The following SVOPL variants were observed in gnomAD, a reference collection of about 807,000 sequenced individuals.
SVOPL encodes the protein SVOP like, also known as putative transporter SVOPL.
SVOPL carries 60 observed loss-of-function variants against 61.0 expected under a neutral mutation model. The observed-to-expected ratio is 0.98, with a 90% CI of 0.80 to 1.22. The LOEUF (loss-of-function observed/expected upper bound fraction) is 1.22. Ranked by LOEUF, SVOPL falls within the 50% of genes most tolerant of loss-of-function variation. The pLI is 0.00. For missense variants in SVOPL, 662 were observed against 643.9 expected, an observed-to-expected ratio of 1.03 and a Z score of -0.30; for synonymous variants, 279 against 250.0, an observed-to-expected ratio of 1.12 and a Z score of -1.09.
intron 6 of SVOPL, among the ~76,000 whole-genome samples, chr7:138,659,036 G>A (rs1480036919): frequency 1.3e-5 from 2 of 151,980 alleles, no homozygotes; most frequent in African/African-American, 4.8e-5. Context: ...TAGCATCAAC[G>A]CAGACCTTAA....
chr7:138,635,166 G>A (rs1327253069), intron 9 of SVOPL, among the ~76,000 whole-genome samples: 2 of 151,916 alleles, frequency 1.3e-5, no homozygotes, highest in South Asian at 2.1e-4. Context: ...CAGCTACTTG[G>A]GAGGCTGAGG....
At position 138,662,293 on chromosome 7, in the gene SVOPL, C is replaced by T. The variant is rs73730416; in HGVS notation, c.345+781G>A. The T allele has an allele frequency of 2.3e-3, 2,284 of 985,438 alleles. 47 individuals are homozygous for T. In the African/African-American group the frequency reaches 0.036, roughly 16 times the overall value. The allele number at this position is 985,438 out of a possible 1,614,324, so 61.0% of individuals were successfully genotyped here. Reference sequence around the variant, plus strand: ...ATTCCATCACAGGCTTTAAAACTTGCATCTGTTTCCTACTGATTGTAATTT... The same window carrying T: ...ATTCCATCACAGGCTTTAAAACTTGTATCTGTTTCCTACTGATTGTAATTT... On this transcript the variant is annotated intron_variant, in intron 5 of 15. Transcript: ENST00000674285.
intron 14 of SVOPL, among the ~76,000 whole-genome samples, chr7:138,615,121 G>A (rs1799232048): frequency 6.6e-6 from 1 of 152,152 alleles, no homozygotes; most frequent in African/African-American, 2.4e-5. Flanking sequence ...AATGCCTGGT[G>A]TTATGGACTG....
intron 3 of SVOPL, among the ~76,000 whole-genome samples, chr7:138,676,240 T>G (rs1215379871): frequency 1.3e-5 from 2 of 152,242 alleles, no homozygotes; most frequent in African/African-American, 2.4e-5. Context: ...TGGGTGAAGC[T>G]GTCATTCTTC....
intron 4 of SVOPL, among the ~76,000 whole-genome samples, chr7:138,670,711 A>G (rs558316795): frequency 6.6e-6 from 1 of 152,336 alleles, no homozygotes; most frequent in South Asian, 2.1e-4. Context: ...TCTATTAAAC[A>G]TGTTCTCTAT....
intron 7 of SVOPL, among the ~76,000 whole-genome samples, chr7:138,650,388 A>C (rs1219732432): frequency 6.6e-6 from 1 of 152,044 alleles, no homozygotes; most frequent in African/African-American, 2.4e-5. Context: ...AAACAGAAAT[A>C]AGAGGCTTAA....
At chr7:138,627,672 G>A (rs3816558) in intron 11 of SVOPL, among the ~76,000 whole-genome samples, 6,219 of 152,200 alleles carry the variant, frequency 0.041, 183 homozygotes, top group East Asian at 0.09. Context: ...GATAAGCACT[G>A]GTGCCCAGAA....
intron 14 of SVOPL, among the ~76,000 whole-genome samples, chr7:138,602,570 T>G (rs2116762308): frequency 1.3e-5 from 2 of 152,024 alleles, no homozygotes; most frequent in African/African-American, 4.8e-5. Context: ...CCATCCGACA[T>G]TTGCTGATGG....
At chr7:138,669,640 C>G (rs1031198250) in intron 4 of SVOPL, among the ~76,000 whole-genome samples, 1 of 152,136 alleles carries the variant, frequency 6.6e-6, no homozygotes, top group African/African-American at 2.4e-5. Context: ...TCCTGTAATG[C>G]GTGCCTCACT....
intron 14 of SVOPL, among the ~76,000 whole-genome samples, chr7:138,611,894 G>A (rs1178725875): frequency 3.9e-4 from 26 of 66,248 alleles, no homozygotes; most frequent in Middle Eastern, 4.8e-3. Flanking sequence ...TCTGGGAGGT[G>A]TGCCCAACAG....
At chr7:138,656,330 G>GA (rs1801727297) in intron 7 of SVOPL, 118 bp downstream of exon 7, 5 of 995,548 alleles carry the variant, frequency 5.0e-6, no homozygotes, top group Non-Finnish European at 7.7e-6. Context: ...ACTTTATTCT[G>GA]ATACTCGCTT....
At chr7:138,622,525 T>G (rs935126040) in intron 13 of SVOPL, among the ~76,000 whole-genome samples, 1 of 152,162 alleles carries the variant, frequency 6.6e-6, no homozygotes, top group Non-Finnish European at 1.5e-5. Context: ...CGGGTTGGTC[T>G]CGAACTCCTG....
intron 14 of SVOPL, among the ~76,000 whole-genome samples, chr7:138,604,342 C>A (rs1798658702): frequency 6.6e-6 from 1 of 151,966 alleles, no homozygotes; most frequent in South Asian, 2.1e-4. Context: ...ATTAAGAAAA[C>A]AATGTAAATG....
chr7:138,686,110 T>C (rs1802804695), intron 1 of SVOPL, among the ~76,000 whole-genome samples: 2 of 151,812 alleles, frequency 1.3e-5, no homozygotes, highest in African/African-American at 4.8e-5. Context: ...AACATAAAAA[T>C]AGCCAGAGAG....
intron 6 of SVOPL, among the ~76,000 whole-genome samples, chr7:138,659,522 A>G (rs11762197): frequency 0.26 from 39,390 of 151,644 alleles, 5,942 homozygotes; most frequent in Middle Eastern, 0.37. Context: ...ATATGTTAAC[A>G]TCTACCTGTG....
intron 14 of SVOPL, among the ~76,000 whole-genome samples, chr7:138,601,855 T>G (rs60555372): frequency 0.06 from 8,939 of 149,504 alleles, 314 homozygotes; most frequent in Middle Eastern, 0.099. Context: ...GTAGAAGCTC[T>G]CTCTAACCAC....
chr7:138,683,591 A>G (rs924032950), intron 1 of SVOPL, among the ~76,000 whole-genome samples: 1 of 151,994 alleles, frequency 6.6e-6, no homozygotes, highest in Non-Finnish European at 1.5e-5. Flanking sequence ...CTGGTCTTGA[A>G]TTCCTGACCT....
At chr7:138,693,088 T>G (rs953240544) in intron 1 of SVOPL, among the ~76,000 whole-genome samples, 45 of 152,070 alleles carry the variant, frequency 3.0e-4, no homozygotes, top group Non-Finnish European at 8.8e-5. Context: ...GGAAGGAAAA[T>G]TATGACCTAA....
At chr7:138,631,981 C>T (rs1411355448) in intron 9 of SVOPL, among the ~76,000 whole-genome samples, 1 of 151,832 alleles carries the variant, frequency 6.6e-6, no homozygotes, top group Non-Finnish European at 1.5e-5. Context: ...CACACACACA[C>T]ACATACACAC....
Sources: allele counts gnomAD v4.1 joint callset (sites outside exome capture counted in the v4.1 genomes callset), GRCh38; gene constraint gnomAD v4.1.1; transcripts MANE v1.5; gene names NCBI Gene and HGNC (gene_info 2026-07-23, HGNC 2026-07-21).